NAALAD2: variants seen among roughly 807,000 people sequenced by gnomAD.
NAALAD2 encodes N-acetylated-alpha-linked acidic dipeptidase 2.
A neutral mutation model predicts 95.6 loss-of-function variants in NAALAD2; 89 were observed. The ratio of observed to expected loss-of-function variants is 0.93; its 90% CI spans 0.78 to 1.11. The LOEUF (loss-of-function observed/expected upper bound fraction) is 1.11, where lower values mean the gene tolerates loss of function less well. NAALAD2 is among the 50% of genes least tolerant of loss of function. The pLI is 0.00. For missense variants in NAALAD2, 894 were observed against 872.4 expected (o/e 1.02, Z -0.31); for synonymous variants, 264 against 294.4 (o/e 0.90, Z 1.06).
chr11:90,185,513 A>T (rs889043646), intron 18 of NAALAD2, among the ~76,000 whole-genome samples: 2 of 152,050 alleles, frequency 1.3e-5, no homozygotes, highest in African/African-American at 4.8e-5. Flanking sequence ...TCTACAAAAA[A>T]TTTTTTAAAG....
At chr11:90,159,462 A>G (rs1471460597) in intron 8 of NAALAD2, 125 bp downstream of exon 8, 8 of 634,738 alleles carry the variant, frequency 1.3e-5, no homozygotes, top group Non-Finnish European at 1.9e-5. Context: ...ACCATTTTAC[A>G]TTACTTAAGA....
rs772119259 is a variant in NAALAD2 at position 90,173,935 on chromosome 11, C to T, written c.1502+20C>T. 3 of 1,480,988 alleles carry T rather than the reference C, an allele frequency of 2.0e-6. No homozygotes were observed. Among genetic ancestry groups the T allele is most frequent in the Non-Finnish European group, 2.8e-6 (3 of 1,062,476 alleles). 91.7% of individuals were successfully genotyped at this position (1,480,988 alleles called of 1,614,324 possible). On this transcript the variant is annotated intron_variant, in intron 14 of 18. Transcript: ENST00000534061. The stretch of plus-strand genomic sequence containing the variant: ...GCCTAGGTAAGTTACTGATATGCAC[C>T]TTTTCTACTGTAGGATAAGTTATGA...
upstream of NAALAD2, among the ~76,000 whole-genome samples, chr11:90,133,733 G>A (rs10741316): frequency 0.45 from 68,913 of 152,144 alleles, 16,683 homozygotes; most frequent in African/African-American, 0.62. Flanking sequence ...CAGGGCAGAC[G>A]AGAGTTTGTA....
rs761461489 is a variant in NAALAD2 at position 90,135,686 on chromosome 11, G to A, written c.194+16G>A. The A allele has an allele frequency of 1.0e-5, 16 of 1,584,228 alleles. No homozygotes were observed. The highest frequency in any genetic ancestry group is 6.7e-5 in the South Asian group (6 of 89,812). ...CATTTCTTCGGTAAGTTTATTTTACGTATTTGATCTTAAAAATCATGTTTA... is the reference window on the plus strand; with the variant it reads ...CATTTCTTCGGTAAGTTTATTTTACATATTTGATCTTAAAAATCATGTTTA... On this transcript the variant is annotated intron_variant, in intron 2 of 18. Coordinates refer to ENST00000534061, the MANE Select transcript of NAALAD2 (RefSeq NM_005467.4).
At chr11:90,163,472 A>C (rs76007178) in intron 10 of NAALAD2, 43 bp downstream of exon 10, 81,961 of 1,613,112 alleles carry the variant, frequency 0.051, 2,349 homozygotes, top group Non-Finnish European at 0.057. Context: ...AAAGTGACTT[A>C]CTGAATTTTC....
chr11:90,179,976 C>T (rs1057034209), intron 16 of NAALAD2, among the ~76,000 whole-genome samples: 4 of 152,002 alleles, frequency 2.6e-5, no homozygotes, highest in Non-Finnish European at 4.4e-5. Flanking sequence ...CTGATGTGTC[C>T]CACTTTCTTC....
intron 15 of NAALAD2, among the ~76,000 whole-genome samples, chr11:90,176,690 C>A (rs1271183557): frequency 6.6e-6 from 1 of 152,060 alleles, no homozygotes; most frequent in African/African-American, 2.4e-5. Context: ...ATTTCATAAA[C>A]CAAATTGAAG....
At chr11:90,183,365 G>T (rs989292341) in intron 18 of NAALAD2, among the ~76,000 whole-genome samples, 1 of 152,018 alleles carries the variant, frequency 6.6e-6, no homozygotes. Flanking sequence ...GAATCTTTTA[G>T]TGATGAGAAG....
chr11:90,181,362 A>G (rs1340830249), intron 16 of NAALAD2, among the ~76,000 whole-genome samples: 1 of 152,152 alleles, frequency 6.6e-6, no homozygotes, highest in East Asian at 1.9e-4. Flanking sequence ...GGTTTCTGGT[A>G]AACTATGGGT....
intron 1 of NAALAD2, 65 bp from the exon 2 acceptor site, chr11:90,135,494 A>T: frequency 8.8e-7 from 1 of 1,134,452 alleles, no homozygotes; most frequent in Non-Finnish European, 1.3e-6. Context: ...GGTGGCTTCT[A>T]GTTTTAATAA....
At chr11:90,173,793 C>G (rs1281055867) in intron 13 of NAALAD2, 31 bp from the exon 14 acceptor site, 1 of 1,540,378 alleles carries the variant, frequency 6.5e-7, no homozygotes, top group Non-Finnish European at 8.9e-7. Flanking sequence ...GCTTCTACCC[C>G]TAATTTCCAG....
chr11:90,156,053 C>A (rs548504662), intron 6 of NAALAD2, among the ~76,000 whole-genome samples: 1 of 151,360 alleles, frequency 6.6e-6, no homozygotes, highest in African/African-American at 2.4e-5. Flanking sequence ...TTGTACTATT[C>A]TTCTGTCTGC....
chr11:90,134,758 C>T lies in NAALAD2; in HGVS notation c.-1C>T. 1 of 1,613,854 alleles carries T rather than the reference C, an allele frequency of 6.2e-7. No homozygotes were observed. Among genetic ancestry groups the T allele is most frequent in the African/African-American group, 1.3e-5 (1 of 75,028 alleles). On this transcript the variant is annotated 5_prime_UTR_variant, in exon 1 of 19. Transcript: ENST00000534061. ...GCCCCAAGCTCGGTCCTCAAGAAGC[C>T]ATGGCGGAATCCAGGGGCCGTCTGT...
chr11:90,175,514 A>G (rs1286156758), intron 14 of NAALAD2, among the ~76,000 whole-genome samples: 2 of 152,208 alleles, frequency 1.3e-5, no homozygotes, highest in African/African-American at 4.8e-5. Context: ...ATTTATTTCT[A>G]AAATGAGGCA....
chr11:90,163,294 A>G lies in NAALAD2; in HGVS notation c.1076-16A>G, dbSNP rs1374491373. 6.2e-7 allele frequency: 1 copy of G among 1,603,612 alleles called. No homozygotes were observed. Among genetic ancestry groups the G allele is most frequent in the Non-Finnish European group, 8.5e-7 (1 of 1,176,442 alleles). ...GTATTCAAAGTTGTAGGTTTCTTGAACGTATTATTTTCCAGACAGGTATGT... is the reference window on the plus strand; with the variant it reads ...GTATTCAAAGTTGTAGGTTTCTTGAGCGTATTATTTTCCAGACAGGTATGT... On this transcript the variant is annotated splice_polypyrimidine_tract_variant and intron_variant, in intron 9 of 18. Coordinates refer to ENST00000534061, the MANE Select transcript of NAALAD2 (RefSeq NM_005467.4).
At chr11:90,169,810 G>A (rs1952581340) in intron 12 of NAALAD2, 1 of 399,882 alleles carries the variant, frequency 2.5e-6, no homozygotes, top group Admixed American at 4.2e-5. Flanking sequence ...GCTGCCATGA[G>A]AATGACCCTT....
upstream of NAALAD2, among the ~76,000 whole-genome samples, chr11:90,132,859 G>C (rs1401250067): frequency 3.3e-5 from 5 of 152,130 alleles, no homozygotes; most frequent in Non-Finnish European, 7.4e-5. Context: ...AAAAACACTG[G>C]AGGAGTCAGT....
chr11:90,151,394 T>A (rs779331355), intron 5 of NAALAD2, among the ~76,000 whole-genome samples: 15 of 152,186 alleles, frequency 9.9e-5, no homozygotes, highest in Non-Finnish European at 1.9e-4. Context: ...AAGCCATTTA[T>A]TTAACCATTC....
intron 15 of NAALAD2, among the ~76,000 whole-genome samples, chr11:90,177,586 G>GGTTTTTT (rs1952832778): frequency 3.5e-5 from 1 of 28,456 alleles, no homozygotes; most frequent in Non-Finnish European, 6.2e-5. Flanking sequence ...TCTTTTTCTT[G>GGTTTTTT]TTTTTTTTTT....
Sources: gnomAD v4.1 joint callset for allele counts (sites outside exome capture counted in the v4.1 genomes callset) on GRCh38, gnomAD v4.1.1 for gene constraint, MANE v1.5 for transcripts, NCBI Gene and HGNC (gene_info 2026-07-23, HGNC 2026-07-21) for gene names.